SLC36A1: variants seen among roughly 807,000 people sequenced by gnomAD.
SLC36A1 encodes the protein proton-coupled amino acid transporter 1.
In SLC36A1, 30 loss-of-function variants were observed where a neutral mutation model predicts 47.5. The observed-to-expected ratio is 0.63, with a 90% CI of 0.47 to 0.86. The LOEUF (loss-of-function observed/expected upper bound fraction) is 0.86. Ranked by LOEUF, SLC36A1 falls within the 40% of genes least tolerant of loss-of-function variation. The pLI is 0.00. For synonymous variants in SLC36A1, 255 were observed against 249.7 expected (o/e 1.02, Z -0.20); for missense variants, 517 against 606.0 (o/e 0.85, Z 1.54).
chr5:151,347,360 T>C, the SLC36A1 span: 1 of 1,614,130 alleles, frequency 6.2e-7, no homozygotes, highest in South Asian at 1.1e-5. Flanking sequence ...GAATGTAGAG[T>C]CCTTGTTCTC....
chr5:151,544,708 T>C, the SLC36A1 span: 13 of 1,614,010 alleles, frequency 8.1e-6, no homozygotes, highest in African/African-American at 1.3e-5. Context: ...GACTTTGAGG[T>C]GATATTTATT....
the SLC36A1 span, among the ~76,000 whole-genome samples, chr5:151,409,105 T>C: frequency 5.0e-3 from 764 of 151,786 alleles, 8 homozygotes; most frequent in African/African-American, 0.018. Context: ...CTCAGGGTGA[T>C]CCTCCCACCT....
the SLC36A1 span, chr5:151,543,534 T>C: frequency 6.2e-7 from 1 of 1,614,198 alleles, no homozygotes; most frequent in Non-Finnish European, 8.5e-7. Flanking sequence ...CATTGGGGTT[T>C]ATGGAGAACT....
chr5:151,493,038 C>A (rs116133664), downstream of SLC36A1, among the ~76,000 whole-genome samples: 2,208 of 152,176 alleles, frequency 0.015, 62 homozygotes, highest in African/African-American at 0.05. Flanking sequence ...ATATATATAT[C>A]TCCTACTGGC....
the SLC36A1 span, among the ~76,000 whole-genome samples, chr5:151,395,930 C>A: frequency 1.3e-5 from 2 of 152,000 alleles, no homozygotes; most frequent in African/African-American, 2.4e-5. Context: ...ATGCCTCAGC[C>A]TTCTTAGTAG....
chr5:151,496,060 G>A (rs944765098), downstream of SLC36A1, among the ~76,000 whole-genome samples: 2 of 152,162 alleles, frequency 1.3e-5, no homozygotes, highest in Non-Finnish European at 2.9e-5. Context: ...ATGGTGATAT[G>A]GTTTGACTCA....
the SLC36A1 span, chr5:151,506,159 T>G: frequency 3.4e-6 from 5 of 1,476,422 alleles, no homozygotes; most frequent in Non-Finnish European, 4.5e-6. Context: ...CAGCTGGCTC[T>G]ATAGCAACTA....
At chr5:151,504,001 C>T in the SLC36A1 span, 1 of 152,304 alleles carries the variant, frequency 6.6e-6, no homozygotes, top group African/African-American at 2.4e-5. Flanking sequence ...TCTAGGATCC[C>T]TTCCAGCTCC....
chr5:151,537,200 AAAG>A, the SLC36A1 span, among the ~76,000 whole-genome samples: 4 of 147,606 alleles, frequency 2.7e-5, no homozygotes, highest in East Asian at 2.1e-4. Flanking sequence ...AGAGAGAGAG[AAAG>A]AAGAAGAGGA....
At chr5:151,431,030 C>A in the SLC36A1 span, among the ~76,000 whole-genome samples, 4 of 152,148 alleles carry the variant, frequency 2.6e-5, no homozygotes, top group Non-Finnish European at 5.9e-5. Flanking sequence ...GCTTTAGTTC[C>A]ACAGTTCCCA....
chr5:151,509,993 C>T, the SLC36A1 span: 10 of 1,609,218 alleles, frequency 6.2e-6, no homozygotes, highest in South Asian at 8.8e-5. Flanking sequence ...ACAAGGAGCC[C>T]ATGGCAGGTG....
intron 2 of SLC36A1, 126 bp from the exon 3 acceptor site, chr5:151,463,427 T>C: frequency 1.3e-6 from 1 of 759,068 alleles, no homozygotes; most frequent in South Asian, 1.6e-5. Context: ...AACTGCTTCA[T>C]CATCTATAAG....
At chr5:151,407,674 T>A in the SLC36A1 span, among the ~76,000 whole-genome samples, 1 of 152,206 alleles carries the variant, frequency 6.6e-6, no homozygotes, top group Non-Finnish European at 1.5e-5. Flanking sequence ...AAACCTCAGT[T>A]TCTCCGTGTA....
upstream of SLC36A1, among the ~76,000 whole-genome samples, chr5:151,436,135 C>T (rs1440281508): frequency 6.6e-6 from 1 of 152,032 alleles, no homozygotes; most frequent in Non-Finnish European, 1.5e-5. Flanking sequence ...AGTTTATATA[C>T]AATAAAATGC....
chr5:151,536,895 C>T, the SLC36A1 span, among the ~76,000 whole-genome samples: 1 of 152,236 alleles, frequency 6.6e-6, no homozygotes, highest in Non-Finnish European at 1.5e-5. Context: ...TCTCTCCTCC[C>T]TCTCTGGGCA....
chr5:151,551,149 T>C, the SLC36A1 span, among the ~76,000 whole-genome samples: 2 of 152,210 alleles, frequency 1.3e-5, no homozygotes, highest in African/African-American at 2.4e-5. Flanking sequence ...GATAAAACAC[T>C]GGCTGAAGCT....
chr5:151,543,356 T>C, the SLC36A1 span: 20 of 1,614,070 alleles, frequency 1.2e-5, no homozygotes, highest in South Asian at 2.2e-4. Context: ...ATGGATACTG[T>C]GTACTCAGAT....
At chr5:151,544,271 G>T in the SLC36A1 span, 5 of 1,614,210 alleles carry the variant, frequency 3.1e-6, no homozygotes, top group African/African-American at 6.7e-5. Flanking sequence ...GTCTGAGCAG[G>T]CAAGCCTTCT....
chr5:151,401,119 C>G, the SLC36A1 span, among the ~76,000 whole-genome samples: 1 of 152,078 alleles, frequency 6.6e-6, no homozygotes, highest in Non-Finnish European at 1.5e-5. Context: ...ATGGTATTTC[C>G]TAGGTTTTCT....
Sources: gnomAD v4.1 joint callset for allele counts (sites outside exome capture counted in the v4.1 genomes callset) on GRCh38, gnomAD v4.1.1 for gene constraint, MANE v1.5 for transcripts, NCBI Gene and HGNC (gene_info 2026-07-23, HGNC 2026-07-21) for gene names.